FMNL2: variants seen among roughly 807,000 people sequenced by gnomAD.
The protein encoded by FMNL2 is formin like 2.
FMNL2 carries 51 observed loss-of-function variants against 130.2 expected under a neutral mutation model. The observed-to-expected ratio is 0.39, with a 90% CI of 0.31 to 0.49. FMNL2 has a LOEUF of 0.49. FMNL2 is among the 20% of genes least tolerant of loss of function. FMNL2 has a pLI of 0.85. For synonymous variants in FMNL2, 465 were observed against 467.1 expected (o/e 1.00, Z 0.06); for missense variants, 977 against 1,316.2 (o/e 0.74, Z 3.99).
chr2:152,412,394 C>A (rs1471178784), intron 1 of FMNL2, among the ~76,000 whole-genome samples: 1 of 140,552 alleles, frequency 7.1e-6, no homozygotes. Flanking sequence ...TTTTCTGATT[C>A]TGTCTCTTCT....
intron 6 of FMNL2, among the ~76,000 whole-genome samples, chr2:152,564,808 C>A (rs572074662): frequency 1.9e-3 from 132 of 70,916 alleles, no homozygotes; most frequent in Middle Eastern, 0.011. Flanking sequence ...TAACCAAATT[C>A]TAATGTTGAC....
chr2:152,511,804 G>A (rs536327608), intron 1 of FMNL2, among the ~76,000 whole-genome samples: 58 of 152,264 alleles, frequency 3.8e-4, no homozygotes, highest in African/African-American at 1.3e-3. Flanking sequence ...GGGTTCCAGG[G>A]CAGTGGGACA....
At chr2:152,647,413 T>C (rs768002550) in intron 25 of FMNL2, among the ~76,000 whole-genome samples, 19 of 152,228 alleles carry the variant, frequency 1.2e-4, no homozygotes, top group Non-Finnish European at 2.4e-4. Context: ...AATTTTGCAG[T>C]TTAAAATTTA....
At chr2:152,522,558 T>C (rs764200301) in intron 2 of FMNL2, among the ~76,000 whole-genome samples, 7 of 152,122 alleles carry the variant, frequency 4.6e-5, no homozygotes, top group Non-Finnish European at 1.5e-5. Context: ...AATTGAATTA[T>C]GGGGGCAGGT....
intron 1 of FMNL2, among the ~76,000 whole-genome samples, chr2:152,519,854 G>A (rs1359837400): frequency 6.6e-6 from 1 of 152,140 alleles, no homozygotes; most frequent in Admixed American, 6.5e-5. Flanking sequence ...CGAGATTAGT[G>A]AGGACTCAAG....
chr2:152,457,251 G>T (rs903426806), intron 1 of FMNL2, among the ~76,000 whole-genome samples: 5 of 152,122 alleles, frequency 3.3e-5, no homozygotes, highest in African/African-American at 1.2e-4. Flanking sequence ...TACTATGGTA[G>T]GATCTAGCAA....
intron 2 of FMNL2, among the ~76,000 whole-genome samples, chr2:152,536,193 C>T (rs895636672): frequency 1.3e-5 from 2 of 152,214 alleles, no homozygotes; most frequent in Non-Finnish European, 2.9e-5. Flanking sequence ...TGGCCTCTTC[C>T]GTGTTGGATA....
chr2:152,563,122 A>C lies in FMNL2; in HGVS notation c.596+2087A>C, dbSNP rs554025382. On this transcript the variant is annotated intron_variant, in intron 6 of 25. Transcript: ENST00000288670. ...CCAAGGCCAGCCTGTTTTGCTTCAC[A>C]GTTTTGCTTCAAAGTGGATCTTGCT... Among the ~76,000 whole-genome samples the C allele has an allele frequency of 3.9e-5, 6 of 152,260 alleles. No individual in the cohort carries two copies. The South Asian group carries it at 1.2e-3, about 31-fold the overall frequency.
chr2:152,632,757 T>G (rs958045049), intron 21 of FMNL2, among the ~76,000 whole-genome samples: 2 of 152,340 alleles, frequency 1.3e-5, no homozygotes, highest in South Asian at 2.1e-4. Flanking sequence ...AACCTGGTCT[T>G]ACTTCTCATG....
rs143004016 is a variant in FMNL2 at position 152,554,880 on chromosome 2, TC to T, written c.360-3858del. Among the ~76,000 whole-genome samples, 1,329 of 152,326 alleles carry T rather than the reference TC, an allele frequency of 8.7e-3. 19 individuals are homozygous for T. The highest frequency in any genetic ancestry group is 0.03 in the African/African-American group (1,254 of 41,566). Reference sequence around the variant, plus strand: ...ACTCAAACAATTTCACAGGTGCTTTTCCTTGAGACAACTGTGCTACTTGAGC... The same window carrying T: ...ACTCAAACAATTTCACAGGTGCTTTTCTTGAGACAACTGTGCTACTTGAGC... On this transcript the variant is annotated intron_variant, in intron 4 of 25. Coordinates refer to ENST00000288670, the MANE Select transcript of FMNL2 (RefSeq NM_052905.4).
intron 5 of FMNL2, among the ~76,000 whole-genome samples, chr2:152,560,579 T>C (rs1464187896): frequency 6.6e-6 from 1 of 152,226 alleles, no homozygotes; most frequent in Non-Finnish European, 1.5e-5. Context: ...ATCATACCAA[T>C]GTTAGTGACT....
At chr2:152,466,309 C>T (rs1317266570) in intron 1 of FMNL2, among the ~76,000 whole-genome samples, 7 of 152,168 alleles carry the variant, frequency 4.6e-5, no homozygotes, top group Non-Finnish European at 1.0e-4. Context: ...GACTCATTGG[C>T]GTTTTGTAAA....
chr2:152,647,797 T>C lies in FMNL2; in HGVS notation c.3171T>C (p.Asp1057=). 6.2e-7 allele frequency: 1 copy of C among 1,613,884 alleles called. No homozygotes were observed. The highest frequency in any genetic ancestry group is 8.5e-7 in the Non-Finnish European group (1 of 1,179,840). Residue 1057 remains aspartate, a splice_region_variant and synonymous_variant, in exon 26 of 26, where the codon GAT becomes GAC. Transcript: ENST00000288670. ...TCACTGGCACTCTCCCCTTTACAGA[T>C]CTTAGAAACCAACCATACAGACGAG... ...KDGAIEDIIT[D]LRNQPYRRAD...
At chr2:152,559,595 G>A (rs759359585) in intron 5 of FMNL2, among the ~76,000 whole-genome samples, 1 of 152,112 alleles carries the variant, frequency 6.6e-6, no homozygotes, top group Non-Finnish European at 1.5e-5. Context: ...GTGAGCCACC[G>A]CACCCAACCT....
At chr2:152,557,053 T>G (rs973876356) in intron 4 of FMNL2, among the ~76,000 whole-genome samples, 2 of 152,184 alleles carry the variant, frequency 1.3e-5, no homozygotes, top group Non-Finnish European at 2.9e-5. Flanking sequence ...TTCCAGACTT[T>G]AAGTCTCCAG....
intron 1 of FMNL2, among the ~76,000 whole-genome samples, chr2:152,440,407 C>T (rs1238682890): frequency 1.3e-5 from 2 of 152,190 alleles, no homozygotes; most frequent in African/African-American, 2.4e-5. Flanking sequence ...TCAGTACAGC[C>T]ATAAATGCTA....
intron 2 of FMNL2, among the ~76,000 whole-genome samples, chr2:152,536,391 G>A (rs2105466668): frequency 6.6e-6 from 1 of 152,308 alleles, no homozygotes; most frequent in Middle Eastern, 3.4e-3. Flanking sequence ...CTTACTAATA[G>A]CAATAGTGCT....
At chr2:152,410,411 C>G (rs183929898) in intron 1 of FMNL2, among the ~76,000 whole-genome samples, 155 of 152,328 alleles carry the variant, frequency 1.0e-3, no homozygotes, top group African/African-American at 3.4e-3. Context: ...TACATTTATT[C>G]TGATTTCTCC....
At chr2:152,387,193 G>A (rs1416060578) in intron 1 of FMNL2, among the ~76,000 whole-genome samples, 1 of 152,088 alleles carries the variant, frequency 6.6e-6, no homozygotes, top group Non-Finnish European at 1.5e-5. Flanking sequence ...GTTATCTATA[G>A]TGTGCTGTTG....
Sources: gnomAD v4.1 joint callset for allele counts (sites outside exome capture counted in the v4.1 genomes callset) on GRCh38, gnomAD v4.1.1 for gene constraint, MANE v1.5 for transcripts, NCBI Gene and HGNC (gene_info 2026-07-23, HGNC 2026-07-21) for gene names.